Variants in SYTL5 observed in about 807,000 individuals in gnomAD.
SYTL5 encodes synaptotagmin like 5.
A neutral mutation model predicts 55.9 loss-of-function variants in SYTL5; 34 were observed. That is an observed-to-expected ratio of 0.61 (90% CI 0.46 to 0.81). SYTL5 has a LOEUF of 0.81. SYTL5 is among the 30% of genes least tolerant of loss of function. The probability of loss-of-function intolerance (pLI) is 0.00; values close to 1 mark genes in which losing one functional copy is unlikely to be tolerated. For synonymous variants in SYTL5, 221 were observed against 188.7 expected (o/e 1.17, Z -1.40); for missense variants, 637 against 546.7 (o/e 1.17, Z -1.65).
the SYTL5 span, among the ~76,000 whole-genome samples, chrX:37,893,772 A>T: frequency 0.077 from 5,654 of 73,613 alleles, 1,071 homozygotes; most frequent in African/African-American, 0.41. Context: ...CTATAGATAA[A>T]CTATAGATTA....
At chrX:37,897,118 T>C in the SYTL5 span, among the ~76,000 whole-genome samples, 2 of 111,747 alleles carry the variant, frequency 1.8e-5, no homozygotes, top group African/African-American at 6.5e-5. Flanking sequence ...AAGTGGAAAT[T>C]TCCTGAGCCA....
the SYTL5 span, among the ~76,000 whole-genome samples, chrX:37,956,457 G>A: frequency 8.9e-6 from 1 of 111,871 alleles, no homozygotes; most frequent in Non-Finnish European, 1.9e-5. Context: ...ATTTCCCCCT[G>A]CCAGTCCCTG....
intron 7 of SYTL5, 79 bp from the exon 8 acceptor site, chrX:38,094,216 T>C: frequency 4.4e-6 from 4 of 916,760 alleles, no homozygotes; most frequent in Non-Finnish European, 6.0e-6. Context: ...GTGTTTATAC[T>C]GAAGTATATT....
intron 3 of SYTL5, among the ~76,000 whole-genome samples, chrX:38,066,112 T>A (rs1213613997): frequency 9.0e-6 from 1 of 110,880 alleles, no homozygotes. Context: ...AAAAAAATGC[T>A]GTGTAATTAA....
At chrX:38,123,873 G>A (rs1274944878) in intron 15 of SYTL5, among the ~76,000 whole-genome samples, 1 of 112,227 alleles carries the variant, frequency 8.9e-6, no homozygotes, top group African/African-American at 3.2e-5. Context: ...TTAAAAGACA[G>A]TGAGGGAGCA....
intron 1 of SYTL5, among the ~76,000 whole-genome samples, chrX:38,022,390 G>T (rs376267286): frequency 8.9e-6 from 1 of 112,263 alleles, no homozygotes; most frequent in Admixed American, 9.4e-5. Context: ...AAGGTTAAAA[G>T]TCCAAAATGA....
chrX:37,961,297 G>A, the SYTL5 span, among the ~76,000 whole-genome samples: 4 of 111,512 alleles, frequency 3.6e-5, no homozygotes, highest in African/African-American at 1.3e-4. Flanking sequence ...AAGTCCAAGA[G>A]CATGGCATCG....
chrX:38,098,393 A>T (rs1936992787), intron 9 of SYTL5, among the ~76,000 whole-genome samples: 1 of 111,489 alleles, frequency 9.0e-6, no homozygotes, highest in African/African-American at 3.2e-5. Context: ...AAAGATTTGG[A>T]TAGACATTTA....
the SYTL5 span, among the ~76,000 whole-genome samples, chrX:37,914,826 C>T: frequency 8.9e-6 from 1 of 111,835 alleles, no homozygotes; most frequent in Non-Finnish European, 1.9e-5. Flanking sequence ...CTCCTCTAGC[C>T]CTCACTCTAA....
At chrX:38,018,703 A>G (rs1461128127) in intron 1 of SYTL5, among the ~76,000 whole-genome samples, 1 of 111,760 alleles carries the variant, frequency 8.9e-6, no homozygotes, top group Non-Finnish European at 1.9e-5. Context: ...TTAACAATAT[A>G]CTTAGGTATT....
At chrX:38,069,578 T>C (rs1332402489) in intron 3 of SYTL5, among the ~76,000 whole-genome samples, 2 of 112,301 alleles carry the variant, frequency 1.8e-5, no homozygotes, top group Non-Finnish European at 3.8e-5. Flanking sequence ...ACATAAAATC[T>C]TTCTCATATT....
the SYTL5 span, among the ~76,000 whole-genome samples, chrX:37,899,017 A>G: frequency 8.9e-6 from 1 of 111,893 alleles, no homozygotes; most frequent in East Asian, 2.8e-4. Context: ...TATCCACAAA[A>G]TCACATTCAT....
At chrX:37,906,022 C>T in the SYTL5 span, 1 of 113,364 alleles carries the variant, frequency 8.8e-6, no homozygotes, top group African/African-American at 3.2e-5. Flanking sequence ...CTCTGCTCCC[C>T]TGGGTTAGGA....
chrX:38,085,283 G>A (rs1000491156), intron 6 of SYTL5, among the ~76,000 whole-genome samples: 2 of 111,314 alleles, frequency 1.8e-5, no homozygotes, highest in African/African-American at 6.5e-5. Flanking sequence ...AAACATCCTG[G>A]CACCTAGATG....
the SYTL5 span, among the ~76,000 whole-genome samples, chrX:37,964,944 T>A: frequency 9.0e-6 from 1 of 111,303 alleles, no homozygotes; most frequent in African/African-American, 3.3e-5. Context: ...CCTCTTTAAT[T>A]TCTAATTTTA....
At chrX:38,043,672 TATATATATATATATATATAC>T (rs1172634344) in intron 2 of SYTL5, among the ~76,000 whole-genome samples, 10 of 70,926 alleles carry the variant, frequency 1.4e-4, no homozygotes, top group African/African-American at 7.6e-4. Flanking sequence ...TATATATATA[TATATATATATATATATATAC>T]ATATATATAT....
At chrX:38,044,446 G>A (rs1341110222) in intron 2 of SYTL5, among the ~76,000 whole-genome samples, 1 of 111,796 alleles carries the variant, frequency 8.9e-6, no homozygotes, top group Non-Finnish European at 1.9e-5. Context: ...ATAAACTTCA[G>A]TTATACATTT....
intron 2 of SYTL5, among the ~76,000 whole-genome samples, chrX:38,034,285 T>C (rs1440351928): frequency 8.9e-6 from 1 of 112,495 alleles, no homozygotes; most frequent in Non-Finnish European, 1.9e-5. Flanking sequence ...CTACCTAAGT[T>C]TGAGTACCAG....
intron 3 of SYTL5, among the ~76,000 whole-genome samples, chrX:38,067,766 TC>T (rs1411564061): frequency 8.9e-6 from 1 of 111,985 alleles, no homozygotes; most frequent in East Asian, 2.8e-4. Context: ...CCCCTATTTT[TC>T]ACTATATACA....
Sources: gnomAD v4.1 joint callset for allele counts (sites outside exome capture counted in the v4.1 genomes callset) on GRCh38, gnomAD v4.1.1 for gene constraint, MANE v1.5 for transcripts, NCBI Gene and HGNC (gene_info 2026-07-23, HGNC 2026-07-21) for gene names.